The following PTPRN2 variants were observed in gnomAD, a reference collection of about 807,000 sequenced individuals.
The protein encoded by PTPRN2 is receptor-type tyrosine-protein phosphatase N2.
In PTPRN2, 74 loss-of-function variants were observed where a neutral mutation model predicts 118.8. That is an observed-to-expected ratio of 0.62 (90% confidence interval 0.52 to 0.76). The LOEUF (loss-of-function observed/expected upper bound fraction) is 0.76. Ranked by LOEUF, PTPRN2 falls within the 30% of genes least tolerant of loss-of-function variation. The probability of loss-of-function intolerance (pLI) is 0.00; values close to 1 mark genes in which losing one functional copy is unlikely to be tolerated. For synonymous variants in PTPRN2, 641 were observed against 608.0 expected, an observed-to-expected ratio of 1.05 and a Z score of -0.80; for missense variants, 1,481 against 1,394.4, an observed-to-expected ratio of 1.06 and a Z score of -0.99.
At chr7:157,989,780 A>G (rs1585152048) in intron 11 of PTPRN2, among the ~76,000 whole-genome samples, 1 of 152,258 alleles carries the variant, frequency 6.6e-6, no homozygotes, top group East Asian at 1.9e-4. Context: ...ACCGGGGCTC[A>G]GGTAACTCAA....
chr7:158,284,893 CTGGCT>C (rs1324643698), intron 3 of PTPRN2, among the ~76,000 whole-genome samples: 1 of 152,232 alleles, frequency 6.6e-6, no homozygotes, highest in African/African-American at 2.4e-5. Context: ...TATGCCTGGC[CTGGCT>C]GGCACACGCC....
chr7:157,995,863 T>C (rs769845858), intron 11 of PTPRN2, among the ~76,000 whole-genome samples: 8 of 152,188 alleles, frequency 5.3e-5, no homozygotes, highest in Non-Finnish European at 1.0e-4. Context: ...TAGCAAAACA[T>C]GAAATCGACG....
At chr7:157,932,817 TC>T (rs534551321) in intron 11 of PTPRN2, among the ~76,000 whole-genome samples, 245 of 150,080 alleles carry the variant, frequency 1.6e-3, no homozygotes, top group African/African-American at 5.9e-3. Flanking sequence ...GAGAAGTGAC[TC>T]ACTTTGACTG....
In PTPRN2 at chr7:157,560,824, T is replaced by C. The variant is rs1256628424; in HGVS notation, c.2902+8078A>G. On this transcript the variant is annotated intron_variant, in intron 21 of 22. Coordinates refer to ENST00000389418, the MANE Select transcript of PTPRN2 (RefSeq NM_002847.5). This position sits in a 1 kb window ranked among gnomAD's most constrained non-coding sequence, Gnocchi z 6.7. ...CGTGTCTGTGAGGTCCCTTTCCCACTGGCCCTTCGTGTTTTCATGTTTCAG... is the reference window on the plus strand; with the variant it reads ...CGTGTCTGTGAGGTCCCTTTCCCACCGGCCCTTCGTGTTTTCATGTTTCAG... Among the ~76,000 whole-genome samples the C allele has an allele frequency of 6.6e-6, 1 of 152,166 alleles. No individual in the cohort carries two copies. Among genetic ancestry groups the C allele is most frequent in the Non-Finnish European group, 1.5e-5 (1 of 68,020 alleles).
chr7:158,303,179 A>T (rs960596672), intron 3 of PTPRN2, among the ~76,000 whole-genome samples: 1 of 152,146 alleles, frequency 6.6e-6, no homozygotes, highest in Admixed American at 6.5e-5. Context: ...AAAAAAAAAA[A>T]AAAAAATTCT....
In PTPRN2 at chr7:157,591,197, G is replaced by C. The variant is rs1332148599; in HGVS notation, c.2496+4041C>G. On this transcript the variant is annotated intron_variant, in intron 17 of 22. Transcript: ENST00000389418. The surrounding 1 kb of genome is among the most constrained non-coding windows in gnomAD (Gnocchi z 4.4). ...GGGGACACTTCGAATCCCCCAAGGA[G>C]TGCACGGGCCTGGGGCAGACACGGC... Among the ~76,000 whole-genome samples, 3 of 152,170 alleles carry C rather than the reference G, an allele frequency of 2.0e-5. No individual in the cohort carries two copies. The highest frequency in any genetic ancestry group is 7.2e-5 in the African/African-American group (3 of 41,432).
chr7:158,263,920 C>T (rs1244930584), intron 3 of PTPRN2, among the ~76,000 whole-genome samples: 2 of 152,338 alleles, frequency 1.3e-5, no homozygotes, highest in African/African-American at 2.4e-5. Flanking sequence ...GCTGAACACC[C>T]GCGTCACTCA....
rs533000115 is a variant in PTPRN2 at position 158,529,399 on chromosome 7, G to T, written c.113-39614C>A. On this transcript the variant is annotated intron_variant, in intron 1 of 22. Transcript: ENST00000389418. The surrounding 1 kb of genome is among the most constrained non-coding windows in gnomAD (Gnocchi z 4.7). ...GAGGAAGGTGGGAAGGCCCAGGGGA[G>T]GCCAGCAGGAGGACGGACTCACCAG... Among the ~76,000 whole-genome samples the T allele has an allele frequency of 2.6e-5, 4 of 152,202 alleles. No individual in the cohort carries two copies. Among genetic ancestry groups the T allele is most frequent in the Non-Finnish European group, 5.9e-5 (4 of 68,032 alleles).
intron 12 of PTPRN2, 102 bp from the exon 13 acceptor site, chr7:157,683,039 A>T (rs1340197074): frequency 1.9e-6 from 2 of 1,056,860 alleles, no homozygotes; most frequent in Admixed American, 2.0e-5. Flanking sequence ...GCTCAGCCCC[A>T]CAGGACGCTG....
At chr7:158,133,474 G>C (rs1818541946) in intron 9 of PTPRN2, among the ~76,000 whole-genome samples, 1 of 152,332 alleles carries the variant, frequency 6.6e-6, no homozygotes, top group African/African-American at 2.4e-5. Flanking sequence ...CTGGAGCCCA[G>C]CTCAGAAGCA....
intron 11 of PTPRN2, among the ~76,000 whole-genome samples, chr7:158,060,785 C>A (rs193089556): frequency 6.6e-6 from 1 of 152,322 alleles, no homozygotes; most frequent in African/African-American, 2.4e-5. Context: ...GAAGGTTTTG[C>A]AAAGCGATGA....
At chr7:158,524,705 G>A (rs541929447) in intron 1 of PTPRN2, among the ~76,000 whole-genome samples, 10 of 152,270 alleles carry the variant, frequency 6.6e-5, no homozygotes, top group African/African-American at 1.4e-4. Context: ...AAAAATTGGC[G>A]TTAACCCTCA....
At chr7:157,877,317 C>T (rs1450137602) in intron 12 of PTPRN2, among the ~76,000 whole-genome samples, 1 of 139,494 alleles carries the variant, frequency 7.2e-6, no homozygotes, top group Non-Finnish European at 1.6e-5. Flanking sequence ...ACCCCGGGTC[C>T]GAGTGCAGCA....
chr7:157,936,054 G>A (rs1421117727), intron 11 of PTPRN2, among the ~76,000 whole-genome samples: 1 of 152,204 alleles, frequency 6.6e-6, no homozygotes, highest in East Asian at 1.9e-4. Context: ...TCCTCATGGT[G>A]CAGCAACGCC....
At chr7:158,084,721 C>T (rs1813128866) in intron 10 of PTPRN2, among the ~76,000 whole-genome samples, 1 of 145,552 alleles carries the variant, frequency 6.9e-6, no homozygotes, top group Admixed American at 6.8e-5. Context: ...ACCCACGACA[C>T]TCATCCACAC....
At chr7:158,252,496 G>C (rs540820323) in intron 3 of PTPRN2, among the ~76,000 whole-genome samples, 1 of 152,052 alleles carries the variant, frequency 6.6e-6, no homozygotes, top group African/African-American at 2.4e-5. Flanking sequence ...CTGATAGCCC[G>C]GAGCCCTATC....
intron 3 of PTPRN2, among the ~76,000 whole-genome samples, chr7:158,316,413 TCTC>T (rs1187775269): frequency 3.9e-5 from 6 of 152,112 alleles, no homozygotes; most frequent in African/African-American, 1.4e-4. Flanking sequence ...AAAATTATCT[TCTC>T]ATCACCCCTG....
At chr7:158,384,058 G>A (rs898267353) in intron 2 of PTPRN2, among the ~76,000 whole-genome samples, 2 of 152,082 alleles carry the variant, frequency 1.3e-5, no homozygotes, top group South Asian at 2.1e-4. Flanking sequence ...GAAGCATCCC[G>A]CGCATCCTCT....
At chr7:158,104,878 C>G (rs1048928489) in intron 10 of PTPRN2, among the ~76,000 whole-genome samples, 2 of 149,526 alleles carry the variant, frequency 1.3e-5, no homozygotes, top group Non-Finnish European at 3.0e-5. Context: ...TCAGCTCCAT[C>G]AAACTCCATC....
Sources: gnomAD v4.1 joint callset for allele counts (sites outside exome capture counted in the v4.1 genomes callset) on GRCh38, gnomAD v4.1.1 for gene constraint, Gnocchi (gnomAD v3.1) non-coding constraint, MANE v1.5 for transcripts, NCBI Gene and HGNC (gene_info 2026-07-23, HGNC 2026-07-21) for gene names.